Variants in GPX2 observed in about 807,000 individuals in gnomAD.
The protein encoded by GPX2 is gastrointestinal glutathione peroxidase.
A neutral mutation model predicts 14.1 loss-of-function variants in GPX2; 21 were observed. The observed-to-expected ratio is 1.48, with a 90% CI of 1.05 to 2.14. GPX2 has a LOEUF of 2.14. Among genes scored for constraint, GPX2 ranks in the 30% most tolerant of loss-of-function variants. The pLI, the probability that GPX2 is intolerant of heterozygous loss-of-function variation, is 0.00. For missense variants in GPX2, 241 were observed against 249.8 expected (o/e 0.96, Z 0.24); for synonymous variants, 94 against 95.2 (o/e 0.99, Z 0.07).
chr14:64,940,037 C>G lies in GPX2; in HGVS notation c.223-199G>C. ...GCTCAAGCATTCCTCCTGCTTCAGC[C>G]TCTTTAGTAGCTGAGACTACAGACA... On this transcript the variant is annotated intron_variant, in intron 1 of 1. Coordinates refer to ENST00000389614, the MANE Select transcript of GPX2 (RefSeq NM_002083.4). The surrounding 1 kb of genome is among the most constrained non-coding windows in gnomAD (Gnocchi z 4.5). The G allele has an allele frequency of 1.4e-6, 2 of 1,476,226 alleles. No homozygotes were observed. Among genetic ancestry groups the G allele is most frequent in the African/African-American group, 1.4e-5 (1 of 70,472 alleles). 91.4% of individuals were successfully genotyped at this position (1,476,226 alleles called of 1,614,324 possible).
In GPX2 at chr14:64,942,653, G is replaced by GT. The variant is rs778972476; in HGVS notation, c.73dup (p.Thr25AsnfsTer10). 1 of 1,614,162 alleles carries GT rather than the reference G, an allele frequency of 6.2e-7. No homozygotes were observed. Among genetic ancestry groups the GT allele is most frequent in the Non-Finnish European group, 8.5e-7 (1 of 1,180,008 alleles). On this transcript the variant is annotated frameshift_variant, in exon 1 of 2. Transcript: ENST00000389614. LOFTEE classifies it high-confidence loss of function. ...AATCAGCACGGCCCTGCCCCGGAACGTATTGAAATCTACCTTCTCCCCATC... is the reference window on the plus strand; with the variant it reads ...AATCAGCACGGCCCTGCCCCGGAACGTTATTGAAATCTACCTTCTCCCCATC...
chr14:64,941,567 G>C, intron 1 of GPX2: 1 of 1,275,966 alleles, frequency 7.8e-7, no homozygotes, highest in South Asian at 1.3e-5. Context: ...AGAACAGTGA[G>C]AGCAGTGAAC....
intron 1 of GPX2, 41 bp downstream of exon 1, chr14:64,942,464 A>C (rs1316762144): frequency 6.5e-7 from 1 of 1,530,306 alleles, no homozygotes; most frequent in South Asian, 1.1e-5. Flanking sequence ...GAGCTACACC[A>C]ACCCAACACT....
At position 64,939,624 on chromosome 14, in the gene GPX2, C is replaced by A. The variant is rs184544134; in HGVS notation, c.437G>T (p.Arg146Leu). ...AAAGTTCCAGGCCACATCTGAGCGG[C>A]GCACAGGGCTCCAAATGATGAGCTT... ...DPKLIIWSPV[R>L]RSDVAWNFEK... is the part of the protein sequence containing the mutation. Residue 146 changes from arginine (R) to leucine (L), a missense_variant, in exon 2 of 2, where the codon CGC (arginine) becomes CTC (leucine). Transcript: ENST00000389614. This position sits in a 1 kb window ranked among gnomAD's most constrained non-coding sequence, Gnocchi z 5.7. The A allele has an allele frequency of 1.2e-6, 2 of 1,614,004 alleles. No homozygotes were observed. The highest frequency in any genetic ancestry group is 1.7e-6 in the Non-Finnish European group (2 of 1,180,034).
rs1357542834 is a variant in GPX2, at chr14:64,939,813, A to G, written c.248T>C (p.Leu83Pro). The part of the protein sequence containing the change: ...HQENCQNEEI[L>P]NSLKYVRPGG... Reference sequence around the variant, plus strand: ...AGGACGGACATACTTGAGACTGTTCAGGATCTCCTCATTCTGACAGTTCTC... The same window carrying G: ...AGGACGGACATACTTGAGACTGTTCGGGATCTCCTCATTCTGACAGTTCTC... The change falls in exon 2 of 2, where the codon CTG (leucine) becomes CCG (proline). Residue 83 changes from leucine to proline, a missense_variant. By Grantham distance (98) the Leu-to-Pro change is moderately conservative. Coordinates refer to ENST00000389614, the MANE Select transcript of GPX2 (RefSeq NM_002083.4). The surrounding 1 kb of genome is among the most constrained non-coding windows in gnomAD (Gnocchi z 5.7). The G allele has an allele frequency of 2.5e-6, 4 of 1,613,952 alleles. No homozygotes were observed. The highest frequency in any genetic ancestry group is 3.3e-5 in the Admixed American group (2 of 59,996).
At position 64,940,181 on chromosome 14, in the gene GPX2, A is replaced by G; in HGVS notation, c.223-343T>C. On this transcript the variant is annotated intron_variant, in intron 1 of 1. Transcript: ENST00000389614. This position sits in a 1 kb window ranked among gnomAD's most constrained non-coding sequence, Gnocchi z 4.5. ...CTTCTGAGCTGTTGCTTTTGTCTCC[A>G]GTCTACCCTGAGCAGTTCTTAAGGT... 2 of 1,323,980 alleles carry G rather than the reference A, an allele frequency of 1.5e-6. No individual in the cohort carries two copies. Among genetic ancestry groups the G allele is most frequent in the Non-Finnish European group, 2.0e-6 (2 of 1,012,614 alleles). 82.0% of individuals were successfully genotyped at this position (1,323,980 alleles called of 1,614,324 possible).
chr14:64,942,457 C>T, intron 1 of GPX2, 48 bp downstream of exon 1: 1 of 1,469,954 alleles, frequency 6.8e-7, no homozygotes, highest in Non-Finnish European at 9.5e-7. Context: ...CCCACCTGAG[C>T]TACACCAACC....
intron 1 of GPX2, chr14:64,941,562 AGT>A (rs567549926): frequency 1.6e-4 from 204 of 1,276,454 alleles, no homozygotes; most frequent in Non-Finnish European, 1.7e-4. Flanking sequence ...AGGGAAGAAC[AGT>A]GAGAGCAGTG....
chr14:64,939,700 C>T lies in GPX2; in HGVS notation c.361G>A (p.Asp121Asn). 1 of 1,614,062 alleles carries T rather than the reference C, an allele frequency of 6.2e-7. No homozygotes were observed. Among genetic ancestry groups the T allele is most frequent in the Middle Eastern group, 1.6e-4 (1 of 6,062 alleles). The change falls in exon 2 of 2, where the codon GAC becomes AAC. Residue 121 changes from aspartate (D) to asparagine (N), a missense_variant. Physicochemically the swap from Asp to Asn is conservative, Grantham distance 23 (BLOSUM62 1). Coordinates refer to ENST00000389614, the MANE Select transcript of GPX2 (RefSeq NM_002083.4). The surrounding 1 kb of genome is among the most constrained non-coding windows in gnomAD (Gnocchi z 5.7). ...NEHPVFAYLK[D>N]KLPYPYDDPF... ...TCATCATAAGGGTAGGGGAGCTTGT[C>T]CTTCAGGTAGGCGAAGACAGGATGC...
Position 64,939,482 on chromosome 14 carries a change from T to C in GPX2, c.*6A>G, listed in dbSNP as rs767916549. 3.7e-6 allele frequency: 6 copies of C among 1,610,138 alleles called. 1 individual carries two copies. The South Asian group carries it at 6.6e-5, about 18-fold the overall frequency. Reference sequence around the variant, plus strand: ...GTAGGAGATCTGTGTGTTGAGCAGTTCACATCTATATGGCAACTTTAAGGA... The same window carrying C: ...GTAGGAGATCTGTGTGTTGAGCAGTCCACATCTATATGGCAACTTTAAGGA... On this transcript the variant is annotated 3_prime_UTR_variant, in exon 2 of 2. Transcript: ENST00000389614. The surrounding 1 kb of genome is among the most constrained non-coding windows in gnomAD (Gnocchi z 5.7).
At position 64,942,501 on chromosome 14, in the gene GPX2, T is replaced by A. The variant is rs1273743423; in HGVS notation, c.222+4A>T. On this transcript the variant is annotated splice_donor_region_variant and intron_variant, in intron 1 of 1. Transcript: ENST00000389614. Reference sequence around the variant, plus strand: ...TTGGTGCATTACAAGGAGGGACCCCTCACCTGATGTCCAAATTGGTTGCAA... The same window carrying A: ...TTGGTGCATTACAAGGAGGGACCCCACACCTGATGTCCAAATTGGTTGCAA... 1 of 1,612,934 alleles carries A rather than the reference T, an allele frequency of 6.2e-7. No individual in the cohort carries two copies. The highest frequency in any genetic ancestry group is 1.3e-5 in the African/African-American group (1 of 74,884).
Position 64,939,774 on chromosome 14 carries a change from TG to T in GPX2, c.286del (p.Gln96SerfsTer?), listed in dbSNP as rs1233915757. The T allele has an allele frequency of 6.2e-7, 1 of 1,614,158 alleles. No individual in the cohort carries two copies. The highest frequency in any genetic ancestry group is 2.2e-5 in the East Asian group (1 of 44,884). On this transcript the variant is annotated frameshift_variant, in exon 2 of 2. Transcript: ENST00000389614. LOFTEE classifies it high-confidence loss of function. The surrounding 1 kb of genome is among the most constrained non-coding windows in gnomAD (Gnocchi z 5.7). ...TTTTTGGACAAGGGTGAAGGTGGGCTGGTATCCACCCCCAGGACGGACATAC... is the reference window on the plus strand; with the variant it reads ...TTTTTGGACAAGGGTGAAGGTGGGCTGTATCCACCCCCAGGACGGACATAC... ...LKYVRPGGGY[Q>X]PTFTLVQKCE...
chr14:64,942,574 G>C lies in GPX2; in HGVS notation c.153C>G (p.Asn51Lys). Residue 51 changes from asparagine to lysine, a missense_variant, in exon 1 of 2, where the codon AAC (asparagine) becomes AAG (lysine). By Grantham distance (94) the Asn-to-Lys change is moderately conservative. Transcript: ENST00000389614. Reference sequence around the variant, plus strand: ...GCCTGGGAAAGCGGCATTGCAGCTCGTTGAGCTGGGTGAAGTCCCGGGTGG... The same window carrying C: ...GCCTGGGAAAGCGGCATTGCAGCTCCTTGAGCTGGGTGAAGTCCCGGGTGG... ...GTTTRDFTQLNELQCRFPRRL... is the reference protein window; with the variant it reads ...GTTTRDFTQLKELQCRFPRRL... The C allele has an allele frequency of 6.2e-7, 1 of 1,614,238 alleles. No homozygotes were observed. Among genetic ancestry groups the C allele is most frequent in the Middle Eastern group, 1.6e-4 (1 of 6,062 alleles).
In GPX2 at chr14:64,941,073, G is replaced by T. The variant is rs796631047; in HGVS notation, c.223-1235C>A. Among the ~76,000 whole-genome samples, 26 of 152,028 alleles carry T rather than the reference G, an allele frequency of 1.7e-4. 1 individual carries two copies. Among genetic ancestry groups the T allele is most frequent in the African/African-American group, 4.3e-4 (18 of 41,470 alleles). ...AGTGGACTTCTCTGTTTTTGTTTCT[G>T]TTTTTTTTCCTGAGACAGGGCCTCA... On this transcript the variant is annotated intron_variant, in intron 1 of 1. Transcript: ENST00000389614.
At chr14:64,941,054 C>T (rs1314114372) in intron 1 of GPX2, among the ~76,000 whole-genome samples, 1 of 152,112 alleles carries the variant, frequency 6.6e-6, no homozygotes, top group East Asian at 1.9e-4. Context: ...CTCTAGTGGA[C>T]TTCTCTGTTT....
Position 64,939,831 on chromosome 14 carries a change from CAG to C in GPX2, c.228_229del (p.Asn76LysfsTer?). The C allele has an allele frequency of 6.2e-7, 1 of 1,613,286 alleles. No homozygotes were observed. Among genetic ancestry groups the C allele is most frequent in the Non-Finnish European group, 8.5e-7 (1 of 1,179,360 alleles). ...ACTGTTCAGGATCTCCTCATTCTGA[CAG>C]TTCTCCTAGGGGAGGAAAAAGACAA... On this transcript the variant is annotated frameshift_variant, in exon 2 of 2. Coordinates refer to ENST00000389614, the MANE Select transcript of GPX2 (RefSeq NM_002083.4). LOFTEE classifies it high-confidence loss of function. This position sits in a 1 kb window ranked among gnomAD's most constrained non-coding sequence, Gnocchi z 5.7.
At position 64,940,955 on chromosome 14, in the gene GPX2, T is replaced by C. The variant is rs1169328983; in HGVS notation, c.223-1117A>G. 6.6e-5 allele frequency among the ~76,000 whole-genome samples: 10 copies of C among 152,206 alleles called. No individual in the cohort carries two copies. The highest frequency in any genetic ancestry group is 2.4e-4 in the African/African-American group (10 of 41,458). On this transcript the variant is annotated intron_variant, in intron 1 of 1. Transcript: ENST00000389614. The surrounding 1 kb of genome is among the most constrained non-coding windows in gnomAD (Gnocchi z 4.5). ...CCAATTTAACAGACAGATACCTTCC[T>C]CTGGGAGAAAGTTCCTGCTTCTGAC... is the stretch of plus-strand genomic sequence containing the variant.
At position 64,942,665 on chromosome 14, in the gene GPX2, A is replaced by G. The variant is rs1296012038; in HGVS notation, c.62T>C (p.Val21Ala). 2 of 1,614,044 alleles carry G rather than the reference A, an allele frequency of 1.2e-6. No individual in the cohort carries two copies. Among genetic ancestry groups the G allele is most frequent in the Non-Finnish European group, 1.7e-6 (2 of 1,179,980 alleles). Residue 21 changes from valine to alanine, a missense_variant, in exon 1 of 2, where the codon GTA becomes GCA. Transcript: ENST00000389614. ...LSAISLDGEKVDFNTFRGRAV... is the reference protein window; with the variant it reads ...LSAISLDGEKADFNTFRGRAV... ...CCTGCCCCGGAACGTATTGAAATCT[A>G]CCTTCTCCCCATCCAGGCTGATGGC...
rs1885466340 is a variant in GPX2, at chr14:64,939,274, G to A, written c.*214C>T. The A allele has an allele frequency of 1.7e-6, 1 of 571,470 alleles. No homozygotes were observed. Among genetic ancestry groups the A allele is most frequent in the Non-Finnish European group, 3.1e-6 (1 of 318,902 alleles). 35.4% of individuals were successfully genotyped at this position (571,470 alleles called of 1,614,324 possible). A position where few individuals can be genotyped will look rare whatever the true frequency, so the allele number is the denominator to read the frequency against. On this transcript the variant is annotated 3_prime_UTR_variant, in exon 2 of 2. Transcript: ENST00000389614. The surrounding 1 kb of genome is among the most constrained non-coding windows in gnomAD (Gnocchi z 5.7). The stretch of plus-strand genomic sequence containing the variant: ...TGCCATCATTCTGTGAAGGCCCAGA[G>A]CTTACCCAAGTCTTGGAGCCCAAGT...
Sources: gnomAD v4.1 joint callset for allele counts (sites outside exome capture counted in the v4.1 genomes callset) on GRCh38, gnomAD v4.1.1 for gene constraint, Gnocchi (gnomAD v3.1) non-coding constraint, MANE v1.5 for transcripts, NCBI Gene and HGNC (gene_info 2026-07-23, HGNC 2026-07-21) for gene names.